LEKR1: variants seen among roughly 807,000 people sequenced by gnomAD.
The protein encoded by LEKR1 is leucine, glutamate and lysine rich 1, also known as protein LEKR1.
A neutral mutation model predicts 72.4 loss-of-function variants in LEKR1; 59 were observed. That is an observed-to-expected ratio of 0.82 (90% CI 0.66 to 1.01). LEKR1 has a LOEUF of 1.01. Among genes scored for constraint, LEKR1 ranks in the 50% least tolerant of loss-of-function variants. LEKR1 has a pLI of 0.00. For missense variants in LEKR1, 728 were observed against 759.2 expected (o/e 0.96, Z 0.48); for synonymous variants, 257 against 263.2 (o/e 0.98, Z 0.23).
At chr3:156,876,181 T>C (rs1262616417) in intron 3 of LEKR1, among the ~76,000 whole-genome samples, 2 of 152,146 alleles carry the variant, frequency 1.3e-5, no homozygotes, top group African/African-American at 2.4e-5. Context: ...TTCTGTTCCA[T>C]TGGTCTACAT....
chr3:156,899,864 G>A (rs1326104792), intron 3 of LEKR1, among the ~76,000 whole-genome samples: 1 of 151,446 alleles, frequency 6.6e-6, no homozygotes, highest in African/African-American at 2.4e-5. Flanking sequence ...ATATGTGCAT[G>A]TGTGTATTTA....
At position 156,871,978 on chromosome 3, in the gene LEKR1, T is replaced by A. The variant is rs13091157; in HGVS notation, c.263+18996T>A. Among the ~76,000 whole-genome samples the A allele has an allele frequency of 5.3e-3, 807 of 152,300 alleles. 4 individuals are homozygous for A. Among genetic ancestry groups the A allele is most frequent in the Non-Finnish European group, 9.4e-3 (640 of 68,028 alleles). ...GAATGAGGCAGGGAGAATTCCCTCC[T>A]CTTCAGTTTTTGAGAATATAGTTTG... is the stretch of plus-strand genomic sequence containing the variant. On this transcript the variant is annotated intron_variant, in intron 3 of 12. Transcript: ENST00000356539.
At position 157,015,057 on chromosome 3, in the gene LEKR1, C is replaced by A. The variant is rs1021723532; in HGVS notation, c.1203+3551C>A. 2.0e-5 allele frequency among the ~76,000 whole-genome samples: 3 copies of A among 152,160 alleles called. No homozygotes were observed. In the East Asian group the frequency reaches 5.8e-4, roughly 29 times the overall value. On this transcript the variant is annotated intron_variant, in intron 10 of 12. Transcript: ENST00000356539. ...ATATTGGACATCAGGCAATGAAAGACAGTGATTCCTGGAAACAGAAGTCAA... is the reference window on the plus strand; with the variant it reads ...ATATTGGACATCAGGCAATGAAAGAAAGTGATTCCTGGAAACAGAAGTCAA...
chr3:156,915,352 C>G (rs920729341), intron 3 of LEKR1, among the ~76,000 whole-genome samples: 14 of 152,014 alleles, frequency 9.2e-5, no homozygotes, highest in African/African-American at 3.1e-4. Flanking sequence ...TATGGTTGAA[C>G]TAATTTACAC....
intron 3 of LEKR1, among the ~76,000 whole-genome samples, chr3:156,882,954 A>T: frequency 6.6e-6 from 1 of 151,658 alleles, no homozygotes; most frequent in South Asian, 2.1e-4. Context: ...TTGAACAATG[A>T]GAACACATGG....
rs560975057 is a variant in LEKR1, at chr3:156,845,727, A to C, written c.49-7041A>C. On this transcript the variant is annotated intron_variant, in intron 2 of 12. Coordinates refer to ENST00000356539, the MANE Select transcript of LEKR1 (RefSeq NM_001004316.3). ...CCAATATCATACAATCTTGATTACT[A>C]TAGCAATACAGTGTGTCTTGAAATC... 1.6e-4 allele frequency among the ~76,000 whole-genome samples: 25 copies of C among 152,232 alleles called. No homozygotes were observed. In the South Asian group the frequency reaches 5.2e-3, roughly 32 times the overall value.
At chr3:156,938,520 G>A (rs1725923665) in intron 5 of LEKR1, among the ~76,000 whole-genome samples, 1 of 152,038 alleles carries the variant, frequency 6.6e-6, no homozygotes, top group African/African-American at 2.4e-5. Flanking sequence ...GGGACTACAG[G>A]CGCATGCCAC....
Position 156,852,932 on chromosome 3 carries a change from T to C in LEKR1, c.213T>C (p.Leu71=). The change falls in exon 3 of 13, where the codon CTT becomes CTC. Residue 71 remains leucine (L), a synonymous_variant. Transcript: ENST00000356539. ...GACTTCAAGAAAAGCTGCATTCTCT[T>C]AGCCAAGAACTTGAACAGTACAAAA... ...EKRLQEKLHS[L]SQELEQYKID... is the part of the protein sequence containing the mutation. The C allele has an allele frequency of 6.5e-7, 1 of 1,536,046 alleles. No individual in the cohort carries two copies. The highest frequency in any genetic ancestry group is 8.7e-7 in the Non-Finnish European group (1 of 1,146,222).
intron 2 of LEKR1, among the ~76,000 whole-genome samples, chr3:156,836,626 T>C (rs1332026781): frequency 6.6e-6 from 1 of 152,190 alleles, no homozygotes; most frequent in Non-Finnish European, 1.5e-5. Context: ...GGTCTCCTCC[T>C]AAGTGAAACC....
At position 156,942,733 on chromosome 3, in the gene LEKR1, CT is replaced by C; in HGVS notation, c.745+20del. 3.4e-6 allele frequency: 4 copies of C among 1,191,340 alleles called. No homozygotes were observed. The highest frequency in any genetic ancestry group is 4.3e-6 in the Non-Finnish European group (4 of 932,434). 73.8% of individuals were successfully genotyped at this position (1,191,340 alleles called of 1,614,324 possible). ...GTACTAGGTAAAGAAAAGTCTTTTG[CT>C]GTTTTTGGTGACTAGTTATATAAGT... On this transcript the variant is annotated intron_variant, in intron 6 of 12. Coordinates refer to ENST00000356539, the MANE Select transcript of LEKR1 (RefSeq NM_001004316.3).
chr3:156,882,420 A>C (rs988486055), intron 3 of LEKR1, among the ~76,000 whole-genome samples: 1 of 152,342 alleles, frequency 6.6e-6, no homozygotes, highest in Middle Eastern at 3.4e-3. Context: ...ATCACTGGCC[A>C]TCAGAGAAAT....
chr3:156,919,760 A>G (rs1724016440), intron 3 of LEKR1, among the ~76,000 whole-genome samples: 1 of 152,178 alleles, frequency 6.6e-6, no homozygotes, highest in South Asian at 2.1e-4. Flanking sequence ...TCAAGTTTAT[A>G]ATGTTACCAT....
At position 156,984,419 on chromosome 3, in the gene LEKR1, G is replaced by C. The variant is rs144247460; in HGVS notation, c.827+5144G>C. 2.9e-3 allele frequency among the ~76,000 whole-genome samples: 442 copies of C among 152,310 alleles called. 4 individuals carry two copies. Among genetic ancestry groups the C allele is most frequent in the African/African-American group, 0.01 (421 of 41,576 alleles). On this transcript the variant is annotated intron_variant, in intron 7 of 12. Coordinates refer to ENST00000356539, the MANE Select transcript of LEKR1 (RefSeq NM_001004316.3). Reference sequence around the variant, plus strand: ...TGGCCGGGCGCAGTGCCTCATGCCTGTAATCTCAACACTTTGGGAGGCTGA... The same window carrying C: ...TGGCCGGGCGCAGTGCCTCATGCCTCTAATCTCAACACTTTGGGAGGCTGA...
At chr3:156,827,053 C>T (rs894020668) in intron 1 of LEKR1, 6 of 153,292 alleles carry the variant, frequency 3.9e-5, no homozygotes, top group Non-Finnish European at 8.8e-5. Flanking sequence ...GTGCGGTCCA[C>T]ATACGTGCAA....
In LEKR1 at chr3:157,035,577, G is replaced by A. The variant is rs1206246912; in HGVS notation, c.1668+7175G>A. Among the ~76,000 whole-genome samples, 3 of 152,136 alleles carry A rather than the reference G, an allele frequency of 2.0e-5. No homozygotes were observed. The East Asian group carries it at 5.8e-4, about 29-fold the overall frequency. ...AGCCATAAAAAAAGAAATTGGAAGA[G>A]CCCCTTCTGGAGAAATGAGCTGCCT... On this transcript the variant is annotated intron_variant, in intron 12 of 12. Coordinates refer to ENST00000356539, the MANE Select transcript of LEKR1 (RefSeq NM_001004316.3).
intron 9 of LEKR1, among the ~76,000 whole-genome samples, chr3:157,001,668 A>G (rs138835647): frequency 6.6e-6 from 1 of 152,344 alleles, no homozygotes; most frequent in East Asian, 1.9e-4. Flanking sequence ...GTAGAATGTC[A>G]ATAGCCACAC....
chr3:157,026,259 G>A (rs1734182518), intron 11 of LEKR1, among the ~76,000 whole-genome samples: 1 of 151,894 alleles, frequency 6.6e-6, no homozygotes, highest in African/African-American at 2.4e-5. Context: ...CTCTCACTCT[G>A]TGACTGCTGT....
chr3:156,993,272 T>C lies in LEKR1; in HGVS notation c.1104T>C (p.Asn368=). Residue 368 remains asparagine, a synonymous_variant, in exon 9 of 13, where the codon AAT becomes AAC. Transcript: ENST00000356539. ...GGGAAGAGGTTTTAACACTGAAAAA[T>C]GAAAGGTGCAGTAAACAATAATTTC... The part of the protein sequence containing the change: ...QTREEVLTLK[N]ERELMLISHQ... The C allele has an allele frequency of 6.3e-7, 1 of 1,585,764 alleles. No homozygotes were observed.
intron 3 of LEKR1, among the ~76,000 whole-genome samples, chr3:156,873,676 C>T (rs1718225899): frequency 6.6e-6 from 1 of 151,916 alleles, no homozygotes; most frequent in Non-Finnish European, 1.5e-5. Flanking sequence ...CTTGTAGAAC[C>T]AATCTAGTGG....
Sources: gnomAD v4.1 joint callset for allele counts (sites outside exome capture counted in the v4.1 genomes callset) on GRCh38, gnomAD v4.1.1 for gene constraint, MANE v1.5 for transcripts, NCBI Gene and HGNC (gene_info 2026-07-23, HGNC 2026-07-21) for gene names.